The following DPH6 variants were observed in gnomAD, a reference collection of about 807,000 sequenced individuals.
DPH6 encodes the protein diphthine--ammonia ligase.
In DPH6, 33 loss-of-function variants were observed where a neutral mutation model predicts 38.2. That is an observed-to-expected ratio of 0.86 (90% CI 0.65 to 1.15). The LOEUF is 1.15. Ranked by LOEUF, DPH6 falls within the 50% of genes most tolerant of loss-of-function variation. The pLI, the probability that DPH6 is intolerant of heterozygous loss-of-function variation, is 0.00. For synonymous variants in DPH6, 108 were observed against 103.0 expected, an observed-to-expected ratio of 1.05 and a Z score of -0.30; for missense variants, 325 against 320.0, an observed-to-expected ratio of 1.02 and a Z score of -0.12.
At chr15:35,389,760 A>C (rs928094894) in intron 6 of DPH6, among the ~76,000 whole-genome samples, 2 of 152,126 alleles carry the variant, frequency 1.3e-5, no homozygotes, top group African/African-American at 4.8e-5. Context: ...TGGTTTCCTG[A>C]ATACAGCACA....
the DPH6 span, among the ~76,000 whole-genome samples, chr15:35,194,257 C>T: frequency 6.6e-6 from 1 of 152,044 alleles, no homozygotes; most frequent in African/African-American, 2.4e-5. Context: ...GGTTTCCTGA[C>T]ATCGGTGCTT....
chr15:35,222,428 A>C (rs1046598785), intron 3 of DPH6, among the ~76,000 whole-genome samples: 5 of 152,200 alleles, frequency 3.3e-5, no homozygotes, highest in African/African-American at 1.2e-4. Flanking sequence ...GTGCCCAAAC[A>C]AGATGATCAG....
downstream of DPH6, among the ~76,000 whole-genome samples, chr15:35,329,531 C>T (rs1409083990): frequency 6.6e-6 from 1 of 152,004 alleles, no homozygotes; most frequent in Non-Finnish European, 1.5e-5. Flanking sequence ...ATCAATTAAC[C>T]TTGCAAAGGG....
intron 3 of DPH6, among the ~76,000 whole-genome samples, chr15:35,331,955 T>C (rs147287947): frequency 6.6e-6 from 1 of 152,272 alleles, no homozygotes; most frequent in East Asian, 1.9e-4. Flanking sequence ...GAGCTTTTGG[T>C]AGAGCATTGT....
intron 3 of DPH6, among the ~76,000 whole-genome samples, chr15:35,345,633 G>A (rs778003663): frequency 5.9e-5 from 9 of 151,772 alleles, no homozygotes; most frequent in African/African-American, 9.7e-5. Context: ...GATACTACTC[G>A]ATAATTTTTT....
chr15:35,495,248 G>A (rs538864882), intron 3 of DPH6, among the ~76,000 whole-genome samples: 13 of 152,040 alleles, frequency 8.6e-5, no homozygotes, highest in African/African-American at 2.4e-4. Flanking sequence ...CAATATGTCC[G>A]GTATCCTTAT....
chr15:35,335,610 T>C (rs2052365081), intron 3 of DPH6, among the ~76,000 whole-genome samples: 1 of 152,212 alleles, frequency 6.6e-6, no homozygotes, highest in Non-Finnish European at 1.5e-5. Context: ...TTTCTGCATA[T>C]GGCTAGCCAG....
At chr15:35,353,640 T>A (rs1198977057) in intron 3 of DPH6, among the ~76,000 whole-genome samples, 4 of 152,322 alleles carry the variant, frequency 2.6e-5, no homozygotes, top group Non-Finnish European at 5.9e-5. Context: ...TTGGTCTATA[T>A]CTCTGTTTTG....
intron 3 of DPH6, among the ~76,000 whole-genome samples, chr15:35,256,059 G>A (rs1382388348): frequency 1.3e-5 from 2 of 151,922 alleles, no homozygotes; most frequent in East Asian, 3.8e-4. Flanking sequence ...CAGATTTACA[G>A]AAAATTTGCA....
chr15:35,393,551 G>A (rs1353221107), intron 6 of DPH6, among the ~76,000 whole-genome samples: 1 of 152,128 alleles, frequency 6.6e-6, no homozygotes, highest in Non-Finnish European at 1.5e-5. Flanking sequence ...AACTGGGGTG[G>A]AACTCAGCAA....
intron 3 of DPH6, among the ~76,000 whole-genome samples, chr15:35,483,894 C>T (rs2054361944): frequency 6.6e-6 from 1 of 152,006 alleles, no homozygotes; most frequent in African/African-American, 2.4e-5. Flanking sequence ...GTGAATGAAC[C>T]TCAAAAACAT....
chr15:35,204,101 A>C, the DPH6 span, among the ~76,000 whole-genome samples: 1 of 151,790 alleles, frequency 6.6e-6, no homozygotes, highest in African/African-American at 2.4e-5. Context: ...TACATTTGGC[A>C]AACATCAATC....
intron 3 of DPH6, among the ~76,000 whole-genome samples, chr15:35,496,674 A>G (rs1371504677): frequency 6.7e-6 from 1 of 149,746 alleles, no homozygotes; most frequent in Non-Finnish European, 1.5e-5. Context: ...ACTCAGAAAA[A>G]ATATGAAAAT....
rs376626366 is a variant in DPH6, at chr15:35,436,512, AAC to A, written c.505+14171_505+14172del. On this transcript the variant is annotated intron_variant, in intron 5 of 8. Transcript: ENST00000256538. The stretch of plus-strand genomic sequence containing the variant: ...AACAAAACAAAACAAAACAAAACAA[AAC>A]AAAAAAGGTTCTCTCCCTGTTCGTC... Among the ~76,000 whole-genome samples, 150 of 104,350 alleles carry A rather than the reference AAC, an allele frequency of 1.4e-3. 6 individuals carry two copies. The highest frequency in any genetic ancestry group is 2.3e-3 in the Non-Finnish European group (113 of 48,408). The allele number at this position is 104,350 out of a possible 152,430, so 68.5% of individuals were successfully genotyped here.
intron 3 of DPH6, among the ~76,000 whole-genome samples, chr15:35,362,522 C>T (rs1027124200): frequency 6.6e-6 from 1 of 152,168 alleles, no homozygotes; most frequent in Non-Finnish European, 1.5e-5. Flanking sequence ...TTTATTATTG[C>T]CAGTTTTCAG....
At chr15:35,275,532 C>T (rs2051852040) in intron 3 of DPH6, among the ~76,000 whole-genome samples, 1 of 151,970 alleles carries the variant, frequency 6.6e-6, no homozygotes, top group South Asian at 2.1e-4. Context: ...AGGAGAATAT[C>T]ACACACTGGG....
At chr15:35,268,631 A>G (rs1365058335) in intron 3 of DPH6, among the ~76,000 whole-genome samples, 1 of 151,938 alleles carries the variant, frequency 6.6e-6, no homozygotes, top group East Asian at 1.9e-4. Context: ...TGGTTACAGT[A>G]TATCTTCTAA....
intron 3 of DPH6, among the ~76,000 whole-genome samples, chr15:35,294,672 C>T (rs892101212): frequency 1.3e-5 from 2 of 152,136 alleles, no homozygotes; most frequent in Admixed American, 6.5e-5. Context: ...TGAACCAAAA[C>T]AGGTATAGTC....
At chr15:35,412,828 G>C (rs1455898765) in intron 5 of DPH6, among the ~76,000 whole-genome samples, 1 of 151,608 alleles carries the variant, frequency 6.6e-6, no homozygotes, top group African/African-American at 2.4e-5. Context: ...TTTTGGGTAG[G>C]GGGCAGACAA....
Sources: gnomAD v4.1 joint callset for allele counts (sites outside exome capture counted in the v4.1 genomes callset) on GRCh38, gnomAD v4.1.1 for gene constraint, MANE v1.5 for transcripts, NCBI Gene and HGNC (gene_info 2026-07-23, HGNC 2026-07-21) for gene names.